MACROD2: variants seen among roughly 807,000 people sequenced by gnomAD.
MACROD2 encodes the protein mono-ADP ribosylhydrolase 2.
Under a neutral mutation model 70.4 loss-of-function variants are expected in MACROD2, and 36 were observed. The ratio of observed to expected loss-of-function variants is 0.51; its 90% CI spans 0.39 to 0.68. The LOEUF (loss-of-function observed/expected upper bound fraction) is 0.68, where lower values mean the gene tolerates loss of function less well. MACROD2 is among the 30% of genes least tolerant of loss of function. The pLI, the probability that MACROD2 is intolerant of heterozygous loss-of-function variation, is 0.00. For missense variants in MACROD2, 496 were observed against 538.4 expected (o/e 0.92, Z 0.78); for synonymous variants, 172 against 178.8 (o/e 0.96, Z 0.30).
At chr20:15,662,796 A>G (rs1225175237) in intron 8 of MACROD2, among the ~76,000 whole-genome samples, 2 of 151,644 alleles carry the variant, frequency 1.3e-5, no homozygotes, top group East Asian at 1.9e-4. Flanking sequence ...CAATATTTTC[A>G]TATAAAAATA....
At chr20:14,372,000 T>A (rs1344203165) in intron 3 of MACROD2, among the ~76,000 whole-genome samples, 1 of 152,138 alleles carries the variant, frequency 6.6e-6, no homozygotes, top group Non-Finnish European at 1.5e-5. Flanking sequence ...GTTTCTAGTT[T>A]GACTTCTTTG....
chr20:15,548,367 G>A (rs993121183), intron 8 of MACROD2, among the ~76,000 whole-genome samples: 2 of 151,846 alleles, frequency 1.3e-5, no homozygotes, highest in Non-Finnish European at 2.9e-5. Context: ...CCTTGAATCG[G>A]GGCCAAACTT....
At chr20:14,610,156 C>A (rs907908806) in intron 4 of MACROD2, among the ~76,000 whole-genome samples, 1 of 152,056 alleles carries the variant, frequency 6.6e-6, no homozygotes, top group Admixed American at 6.6e-5. Context: ...ACTAACTTGA[C>A]AAAATGGGTC....
chr20:15,272,188 A>G (rs575741955), intron 6 of MACROD2, among the ~76,000 whole-genome samples: 18 of 152,376 alleles, frequency 1.2e-4, no homozygotes, highest in Non-Finnish European at 1.2e-4. Context: ...AAAATTGTGT[A>G]CAGATGCATA....
At chr20:14,706,009 C>T (rs1425690410) in intron 5 of MACROD2, among the ~76,000 whole-genome samples, 1 of 151,782 alleles carries the variant, frequency 6.6e-6, no homozygotes, top group Non-Finnish European at 1.5e-5. Context: ...ATTGATATTG[C>T]ATATGCTTAA....
intron 10 of MACROD2, among the ~76,000 whole-genome samples, chr20:15,907,079 C>T (rs190959940): frequency 1.5e-4 from 23 of 152,296 alleles, no homozygotes; most frequent in Non-Finnish European, 7.3e-5. Context: ...TCCTCGTGGA[C>T]TCATCATTTC....
At chr20:14,419,693 A>C (rs2083853941) in intron 3 of MACROD2, among the ~76,000 whole-genome samples, 1 of 152,220 alleles carries the variant, frequency 6.6e-6, no homozygotes, top group South Asian at 2.1e-4. Context: ...AACAATTTAA[A>C]TAAAATCAAA....
At chr20:14,786,819 G>A (rs1230889758) in intron 5 of MACROD2, among the ~76,000 whole-genome samples, 1 of 152,008 alleles carries the variant, frequency 6.6e-6, no homozygotes, top group Non-Finnish European at 1.5e-5. Context: ...GTTGGATACT[G>A]GGTATTCAGA....
At chr20:14,457,684 G>A (rs540691345) in intron 3 of MACROD2, among the ~76,000 whole-genome samples, 2 of 152,244 alleles carry the variant, frequency 1.3e-5, no homozygotes, top group South Asian at 4.2e-4. Context: ...ATACCAAGGA[G>A]ACCTTTGTTG....
chr20:14,046,209 A>G (rs963716436), intron 2 of MACROD2, among the ~76,000 whole-genome samples: 21 of 152,360 alleles, frequency 1.4e-4, no homozygotes, highest in African/African-American at 4.8e-4. Context: ...CAGATTATCT[A>G]CAAAGCTATA....
intron 4 of MACROD2, among the ~76,000 whole-genome samples, 175 bp from the exon 5 acceptor site, chr20:14,684,668 G>T (rs1002566454): frequency 1.1e-5 from 1 of 90,536 alleles, no homozygotes; most frequent in African/African-American, 3.5e-5. Context: ...CCCGGCCCCC[G>T]CCAACACACA....
rs112214603 is a variant in MACROD2, at chr20:15,669,163, T to C, written c.645+169316T>C. Among the ~76,000 whole-genome samples the C allele has an allele frequency of 8.7e-3, 1,324 of 152,286 alleles. 16 individuals are homozygous for C. The highest frequency in any genetic ancestry group is 0.025 in the African/African-American group (1,029 of 41,550). On this transcript the variant is annotated intron_variant, in intron 8 of 17. Transcript: ENST00000684519. ...TAACTAGCTTGATGTAACAGATCTT[T>C]GAATAAAAGGAAACACATTGTACAC...
chr20:15,301,043 G>C (rs1298038498), intron 6 of MACROD2, among the ~76,000 whole-genome samples: 1 of 152,156 alleles, frequency 6.6e-6, no homozygotes, highest in East Asian at 1.9e-4. Context: ...TGGCAGAGAG[G>C]AGAACGTGTT....
At chr20:14,870,410 G>A (rs1355412180) in intron 5 of MACROD2, among the ~76,000 whole-genome samples, 1 of 152,098 alleles carries the variant, frequency 6.6e-6, no homozygotes, top group Non-Finnish European at 1.5e-5. Flanking sequence ...ACATATGCAT[G>A]CATGTGTCTT....
At chr20:15,923,368 T>C (rs1414115959) in intron 10 of MACROD2, among the ~76,000 whole-genome samples, 1 of 152,158 alleles carries the variant, frequency 6.6e-6, no homozygotes, top group African/African-American at 2.4e-5. Flanking sequence ...ATGAGACTTA[T>C]TCACTATCAT....
chr20:15,024,760 T>C (rs2075216705), intron 5 of MACROD2, among the ~76,000 whole-genome samples: 1 of 152,178 alleles, frequency 6.6e-6, no homozygotes, highest in Non-Finnish European at 1.5e-5. Flanking sequence ...CATACTACTA[T>C]TTAATACAAG....
intron 8 of MACROD2, among the ~76,000 whole-genome samples, chr20:15,598,526 G>A (rs1197171870): frequency 6.6e-6 from 1 of 152,182 alleles, no homozygotes; most frequent in Non-Finnish European, 1.5e-5. Context: ...TCTGGTAACT[G>A]CTCTCAGAGC....
chr20:15,760,014 CAG>C (rs1393510758), intron 8 of MACROD2, among the ~76,000 whole-genome samples: 1 of 152,140 alleles, frequency 6.6e-6, no homozygotes, highest in Non-Finnish European at 1.5e-5. Context: ...ACAGGACAAA[CAG>C]AGAATAGAAC....
chr20:15,504,676 A>G (rs1361757614), intron 8 of MACROD2, among the ~76,000 whole-genome samples: 2 of 152,198 alleles, frequency 1.3e-5, no homozygotes, highest in African/African-American at 2.4e-5. Flanking sequence ...TAAATTAAGT[A>G]TTAAGAACTT....
Sources: gnomAD v4.1 joint callset for allele counts (sites outside exome capture counted in the v4.1 genomes callset) on GRCh38, gnomAD v4.1.1 for gene constraint, MANE v1.5 for transcripts, NCBI Gene and HGNC (gene_info 2026-07-23, HGNC 2026-07-21) for gene names.